GABRA4: variants seen among roughly 807,000 people sequenced by gnomAD.
GABRA4 encodes gamma-aminobutyric acid type A receptor subunit alpha4.
Under a neutral mutation model 49.7 loss-of-function variants are expected in GABRA4, and 12 were observed. That is an observed-to-expected ratio of 0.24 (90% confidence interval 0.15 to 0.39). The LOEUF is 0.39. GABRA4 is among the 10% of genes least tolerant of loss of function. The pLI, the probability that GABRA4 is intolerant of heterozygous loss-of-function variation, is 1.00. For synonymous variants in GABRA4, 288 were observed against 240.2 expected (o/e 1.20, Z -1.84); for missense variants, 506 against 686.0 (o/e 0.74, Z 2.93).
intron 8 of GABRA4, among the ~76,000 whole-genome samples, chr4:46,943,776 C>G (rs984029349): frequency 3.9e-5 from 6 of 152,118 alleles, no homozygotes; most frequent in African/African-American, 1.4e-4. Flanking sequence ...ATACTGCCTA[C>G]AGAATCTTTA....
chr4:46,959,412 T>C (rs1018780216), intron 8 of GABRA4, among the ~76,000 whole-genome samples: 6 of 151,968 alleles, frequency 3.9e-5, no homozygotes, highest in Non-Finnish European at 8.8e-5. Flanking sequence ...ACTATATTTA[T>C]TTTAAAGTCT....
At chr4:46,990,042 C>G (rs1036581417) in intron 2 of GABRA4, among the ~76,000 whole-genome samples, 2 of 152,288 alleles carry the variant, frequency 1.3e-5, no homozygotes, top group South Asian at 4.1e-4. Flanking sequence ...ATTTGGAATA[C>G]TACACATTTA....
intron 8 of GABRA4, among the ~76,000 whole-genome samples, chr4:46,951,183 C>G (rs1241042145): frequency 1.3e-5 from 2 of 151,796 alleles, no homozygotes; most frequent in Non-Finnish European, 2.9e-5. Context: ...TATCCAAAAC[C>G]TATATGTGAC....
chr4:46,940,178 C>A (rs907818986), intron 8 of GABRA4, among the ~76,000 whole-genome samples: 10 of 152,058 alleles, frequency 6.6e-5, no homozygotes, highest in African/African-American at 2.2e-4. Flanking sequence ...CCCTATCTTT[C>A]TTCCACAAAC....
chr4:46,953,258 C>T (rs1352849816), intron 8 of GABRA4, among the ~76,000 whole-genome samples: 2 of 152,052 alleles, frequency 1.3e-5, no homozygotes, highest in African/African-American at 2.4e-5. Flanking sequence ...TGAGTTCTGC[C>T]AGCATCCCTC....
chr4:46,992,600 T>C (rs1417819329), intron 2 of GABRA4: 1 of 513,496 alleles, frequency 1.9e-6, no homozygotes, highest in East Asian at 3.1e-5. Context: ...TCCCGGGAGG[T>C]AATTAGTGTG....
chr4:46,982,101 A>T (rs1312819692), intron 2 of GABRA4, among the ~76,000 whole-genome samples: 15 of 152,136 alleles, frequency 9.9e-5, no homozygotes, highest in Non-Finnish European at 1.6e-4. Flanking sequence ...TTTAAGCAAC[A>T]TACTTATAAT....
At chr4:46,980,811 A>G (rs1320762731) in intron 2 of GABRA4, among the ~76,000 whole-genome samples, 3 of 152,082 alleles carry the variant, frequency 2.0e-5, no homozygotes, top group African/African-American at 7.2e-5. Flanking sequence ...TCACTCAAGT[A>G]GGTTCAACAG....
intron 8 of GABRA4, among the ~76,000 whole-genome samples, chr4:46,931,717 T>A (rs1721442034): frequency 6.6e-6 from 1 of 152,108 alleles, no homozygotes. Flanking sequence ...AGTTCTTACT[T>A]GCTTACACTC....
At chr4:46,958,950 T>C (rs1722464805) in intron 8 of GABRA4, among the ~76,000 whole-genome samples, 1 of 151,986 alleles carries the variant, frequency 6.6e-6, no homozygotes, top group Non-Finnish European at 1.5e-5. Flanking sequence ...GGCAGTATCA[T>C]TTGAATAAGT....
chr4:46,945,021 C>A (rs562368765), intron 8 of GABRA4, among the ~76,000 whole-genome samples: 1 of 152,238 alleles, frequency 6.6e-6, no homozygotes, highest in South Asian at 2.1e-4. Context: ...ACAACAAAAT[C>A]ATTCTCTCTT....
At chr4:46,977,333 GAA>G in intron 4 of GABRA4, 75 bp downstream of exon 4, 1 of 838,212 alleles carries the variant, frequency 1.2e-6, no homozygotes, top group Middle Eastern at 3.4e-4. Context: ...AGGGAGGAAG[GAA>G]GGAAGGAAGG....
intron 8 of GABRA4, among the ~76,000 whole-genome samples, 183 bp from the exon 9 acceptor site, chr4:46,928,938 T>C (rs929676480): frequency 2.6e-5 from 4 of 151,662 alleles, no homozygotes; most frequent in Non-Finnish European, 4.4e-5. Context: ...GTGCATACAT[T>C]TGAAACTTTG....
At chr4:46,988,764 G>A (rs1160785201) in intron 2 of GABRA4, among the ~76,000 whole-genome samples, 1 of 152,156 alleles carries the variant, frequency 6.6e-6, no homozygotes, top group Non-Finnish European at 1.5e-5. Flanking sequence ...GTATGTTGAG[G>A]AAATTTGACT....
chr4:46,957,688 C>T (rs569723633), intron 8 of GABRA4, among the ~76,000 whole-genome samples: 5 of 152,032 alleles, frequency 3.3e-5, no homozygotes, highest in East Asian at 3.9e-4. Context: ...CTATCTCAGC[C>T]TCCATTTCCC....
chr4:46,952,799 G>A (rs1267848851), intron 8 of GABRA4, among the ~76,000 whole-genome samples: 2 of 151,836 alleles, frequency 1.3e-5, no homozygotes, highest in Non-Finnish European at 2.9e-5. Flanking sequence ...CTAAAAAGAA[G>A]TGCTGGCCCA....
intron 8 of GABRA4, among the ~76,000 whole-genome samples, chr4:46,934,817 A>G (rs1721554138): frequency 6.6e-6 from 1 of 152,134 alleles, no homozygotes; most frequent in African/African-American, 2.4e-5. Flanking sequence ...CATGGCTCCA[A>G]TGGAGGAAAC....
At chr4:46,992,653 T>C in intron 2 of GABRA4, 175 bp downstream of exon 2, 1 of 608,454 alleles carries the variant, frequency 1.6e-6, no homozygotes, top group Non-Finnish European at 3.0e-6. Context: ...GATGGGAAAG[T>C]ACGGGTGGAG....
At chr4:46,939,305 A>G (rs1721711480) in intron 8 of GABRA4, among the ~76,000 whole-genome samples, 1 of 152,072 alleles carries the variant, frequency 6.6e-6, no homozygotes, top group East Asian at 1.9e-4. Context: ...ATATCTGATA[A>G]TATCAATTTC....
Sources: gnomAD v4.1 joint callset for allele counts (sites outside exome capture counted in the v4.1 genomes callset) on GRCh38, gnomAD v4.1.1 for gene constraint, MANE v1.5 for transcripts, NCBI Gene and HGNC (gene_info 2026-07-23, HGNC 2026-07-21) for gene names.